PFKL: variants seen among roughly 807,000 people sequenced by gnomAD.
PFKL encodes ATP-dependent 6-phosphofructokinase, liver type.
Under a neutral mutation model 92.1 loss-of-function variants are expected in PFKL, and 74 were observed. The observed-to-expected ratio is 0.80, with a 90% CI of 0.67 to 0.97. The LOEUF (loss-of-function observed/expected upper bound fraction) is 0.97, where lower values mean the gene tolerates loss of function less well. PFKL is among the 50% of genes least tolerant of loss of function. The probability of loss-of-function intolerance (pLI) is 0.00; values close to 1 mark genes in which losing one functional copy is unlikely to be tolerated. For synonymous variants in PFKL, 494 were observed against 456.4 expected, an observed-to-expected ratio of 1.08 and a Z score of -1.05; for missense variants, 1,028 against 1,116.6, an observed-to-expected ratio of 0.92 and a Z score of 1.13.
At chr21:44,316,995 C>T (rs1568959560) in intron 9 of PFKL, among the ~76,000 whole-genome samples, 1 of 152,182 alleles carries the variant, frequency 6.6e-6, no homozygotes, top group Non-Finnish European at 1.5e-5. Context: ...GGGTGGTGCC[C>T]ATGGCGCCTG....
chr21:44,316,022 C>T (rs1027413717), intron 7 of PFKL: 6 of 575,868 alleles, frequency 1.0e-5, no homozygotes, highest in Admixed American at 3.0e-5. Context: ...CGGGCAGAGC[C>T]CTCTTGTTCA....
chr21:44,305,722 C>A, intron 1 of PFKL: 1 of 1,276,136 alleles, frequency 7.8e-7, no homozygotes, highest in Middle Eastern at 2.9e-4. Flanking sequence ...GAGATGGGGG[C>A]TCTCGGGAAG....
In PFKL at chr21:44,306,711, G is replaced by T; in HGVS notation, c.116G>T (p.Arg39Leu). ...GMNAAVRAVT[R>L]MGIYVGAKVF... is the part of the protein sequence containing the mutation. ...AACGCTGCTGTCCGGGCTGTGACGCGCATGGGCATTTATGTGGGTGCCAAA... is the reference window on the plus strand; with the variant it reads ...AACGCTGCTGTCCGGGCTGTGACGCTCATGGGCATTTATGTGGGTGCCAAA... Residue 39 changes from arginine to leucine, a missense_variant, in exon 2 of 22, where the codon CGC (arginine) becomes CTC (leucine). Arg to Leu is a moderately radical substitution (Grantham distance 102). Transcript: ENST00000349048. 2 of 1,613,822 alleles carry T rather than the reference G, an allele frequency of 1.2e-6. No homozygotes were observed. Among genetic ancestry groups the T allele is most frequent in the Non-Finnish European group, 1.7e-6 (2 of 1,179,920 alleles).
chr21:44,316,364 A>G, intron 8 of PFKL, 25 bp downstream of exon 8: 5 of 1,611,876 alleles, frequency 3.1e-6, no homozygotes, highest in Non-Finnish European at 4.2e-6. Context: ...GGGGGTGGCC[A>G]CTGGGCACCT....
intron 2 of PFKL, among the ~76,000 whole-genome samples, chr21:44,309,022 C>A (rs1461004894): frequency 6.6e-6 from 1 of 152,106 alleles, no homozygotes; most frequent in Non-Finnish European, 1.5e-5. Flanking sequence ...CTTTCTCCAG[C>A]AGCTATGGGC....
chr21:44,326,726 C>A lies in PFKL; in HGVS notation c.2207C>A (p.Pro736Gln). The A allele has an allele frequency of 6.2e-7, 1 of 1,611,964 alleles. No homozygotes were observed. The highest frequency in any genetic ancestry group is 8.5e-7 in the Non-Finnish European group (1 of 1,179,510). ...CCCGTCCTGCACAGGCACCGCATGC[C>A]ACGGGAGCAGTGGTGGCTGAGCCTG... ...KKDTDFEHRM[P>Q]REQWWLSLRL... The change falls in exon 22 of 22, where the codon CCA (proline) becomes CAA (glutamine). Residue 736 changes from proline to glutamine, a missense_variant. Physicochemically the swap from Pro to Gln is moderately conservative, Grantham distance 76. Transcript: ENST00000349048.
At chr21:44,308,809 G>A (rs926450779) in intron 2 of PFKL, among the ~76,000 whole-genome samples, 11 of 152,052 alleles carry the variant, frequency 7.2e-5, no homozygotes, top group South Asian at 4.1e-4. Context: ...TGATCCACCC[G>A]CCTCTGCTTC....
chr21:44,322,165 C>T lies in PFKL; in HGVS notation c.1371C>T (p.Gly457=). ...AAGTAGGCTGGCACGACGTGGCCGGCTGGTTGGGGCGTGGTGGCTCCATGC... is the reference window on the plus strand; with the variant it reads ...AAGTAGGCTGGCACGACGTGGCCGGTTGGTTGGGGCGTGGTGGCTCCATGC... ...VQEVGWHDVA[G]WLGRGGSMLG... Residue 457 remains glycine (G), a synonymous_variant, in exon 14 of 22, where the codon GGC becomes GGT. Transcript: ENST00000349048. 6.2e-7 allele frequency: 1 copy of T among 1,605,614 alleles called. No individual in the cohort carries two copies. Among genetic ancestry groups the T allele is most frequent in the Non-Finnish European group, 8.5e-7 (1 of 1,178,838 alleles).
chr21:44,300,067 G>C lies in PFKL; in HGVS notation c.-39G>C. Reference sequence around the variant, plus strand: ...GCGGGGACGGCGACGCGGCGCAGGCGGCGGGAGTGCGAGCTGGGCCCGTGT... The same window carrying C: ...GCGGGGACGGCGACGCGGCGCAGGCCGCGGGAGTGCGAGCTGGGCCCGTGT... On this transcript the variant is annotated 5_prime_UTR_variant, in exon 1 of 22. Coordinates refer to ENST00000349048, the MANE Select transcript of PFKL (RefSeq NM_002626.6). 1 of 990,442 alleles carries C rather than the reference G, an allele frequency of 1.0e-6. No homozygotes were observed. Among genetic ancestry groups the C allele is most frequent in the Non-Finnish European group, 1.2e-6 (1 of 821,432 alleles). The allele number at this position is 990,442 out of a possible 1,614,324, so 61.4% of individuals were successfully genotyped here.
Position 44,323,779 on chromosome 21 carries a change from TGCTGCAGCTGGTGGAG to T in PFKL, c.1515_1530del (p.Gln506AlafsTer35). ...CTACTGCTGCAGGCCTATGAAGGGGTGCTGCAGCTGGTGGAGGCTCGCGGGCGCTACGAGGAGCTCT... is the reference window on the plus strand; with the variant it reads ...CTACTGCTGCAGGCCTATGAAGGGGTGCTCGCGGGCGCTACGAGGAGCTCT... On this transcript the variant is annotated frameshift_variant, in exon 16 of 22. Transcript: ENST00000349048. LOFTEE classifies it high-confidence loss of function. 6.2e-7 allele frequency: 1 copy of T among 1,612,244 alleles called. No homozygotes were observed. The highest frequency in any genetic ancestry group is 2.2e-5 in the East Asian group (1 of 44,836).
At chr21:44,325,902 T>C (rs2047493220) in intron 19 of PFKL, 59 bp from the exon 20 acceptor site, 4 of 1,323,340 alleles carry the variant, frequency 3.0e-6, no homozygotes, top group African/African-American at 1.4e-5. Context: ...TGCACTGGCG[T>C]TGGCCTTGGC....
At position 44,312,966 on chromosome 21, in the gene PFKL, C is replaced by T. The variant is rs1236089603; in HGVS notation, c.428-12C>T. ...GAGCCTCAGCCAGGTCCTCCTGCTG[C>T]TCCTGGCCCAGGTAAGATCTCAGAG... On this transcript the variant is annotated splice_polypyrimidine_tract_variant and intron_variant, in intron 4 of 21. Coordinates refer to ENST00000349048, the MANE Select transcript of PFKL (RefSeq NM_002626.6). 3 of 1,611,876 alleles carry T rather than the reference C, an allele frequency of 1.9e-6. No homozygotes were observed. The highest frequency in any genetic ancestry group is 2.5e-6 in the Non-Finnish European group (3 of 1,179,118).
chr21:44,306,830 G>A, intron 2 of PFKL, 76 bp downstream of exon 2: 3 of 1,287,106 alleles, frequency 2.3e-6, no homozygotes, highest in Non-Finnish European at 3.4e-6. Flanking sequence ...GTTCTGTGTG[G>A]GTCACACTGG....
intron 11 of PFKL, 70 bp from the exon 12 acceptor site, chr21:44,320,014 C>G: frequency 7.0e-7 from 1 of 1,427,592 alleles, no homozygotes; most frequent in Non-Finnish European, 9.9e-7. Flanking sequence ...TGGGCTCTGT[C>G]ACGGCTGCGC....
In PFKL at chr21:44,324,625, C is replaced by T. The variant is rs143710287; in HGVS notation, c.1785C>T (p.Phe595=). Residue 595 remains phenylalanine (F), a synonymous_variant, in exon 17 of 22, where the codon TTC becomes TTT. Coordinates refer to ENST00000349048, the MANE Select transcript of PFKL (RefSeq NM_002626.6). ...IAVGADAAYV[F]EDPFNIHDLK... ...TGGGGGCCGACGCCGCCTACGTCTT[C>T]GAGGACCCTTTCAACATCCACGACT... The T allele has an allele frequency of 3.0e-5, 48 of 1,605,946 alleles. No homozygotes were observed. The East Asian group carries it at 3.4e-4, about 11-fold the overall frequency.
chr21:44,326,285 G>A lies in PFKL; in HGVS notation c.2195+21G>A, dbSNP rs375004229. 24 of 1,546,074 alleles carry A rather than the reference G, an allele frequency of 1.6e-5. No homozygotes were observed. The African/African-American group carries it at 1.6e-4, about 11-fold the overall frequency. Reference sequence around the variant, plus strand: ...TTCGAGTGAGTTCCACCAAAGCCTCGTGGAGGCGGGTGGGGCTGAGGGGTG... The same window carrying A: ...TTCGAGTGAGTTCCACCAAAGCCTCATGGAGGCGGGTGGGGCTGAGGGGTG... On this transcript the variant is annotated intron_variant, in intron 21 of 21. Transcript: ENST00000349048.
At chr21:44,318,666 C>A in intron 10 of PFKL, 71 bp downstream of exon 10, 1 of 1,339,214 alleles carries the variant, frequency 7.5e-7, no homozygotes, top group Non-Finnish European at 9.8e-7. Flanking sequence ...GGCCCCACTG[C>A]TCTCTGGGGG....
In PFKL at chr21:44,313,131, CCACTGCCCAGAGGTGAGTGAGG is replaced by C; in HGVS notation, c.583_593+11del. On this transcript the variant is annotated splice_donor_variant and splice_donor_5th_base_variant and coding_sequence_variant and intron_variant, in exon 5 of 22. Transcript: ENST00000349048. LOFTEE classifies it high-confidence loss of function. ...ATGGAGGTCATCGATGCCATCACCA[CCACTGCCCAGAGGTGAGTGAGG>C]CTGGCGCCGGCGGCCAGCCCAGGGC... 1 of 1,612,832 alleles carries C rather than the reference CCACTGCCCAGAGGTGAGTGAGG, an allele frequency of 6.2e-7. No individual in the cohort carries two copies. Among genetic ancestry groups the C allele is most frequent in the Non-Finnish European group, 8.5e-7 (1 of 1,179,886 alleles).
intron 7 of PFKL, chr21:44,315,633 C>CA (rs2047181653): frequency 6.5e-6 from 1 of 154,286 alleles, no homozygotes; most frequent in African/African-American, 2.4e-5. Flanking sequence ...TCTTTCAGTT[C>CA]CCAGAGAGCT....
Sources: gnomAD v4.1 joint callset for allele counts (sites outside exome capture counted in the v4.1 genomes callset) on GRCh38, gnomAD v4.1.1 for gene constraint, MANE v1.5 for transcripts, NCBI Gene and HGNC (gene_info 2026-07-23, HGNC 2026-07-21) for gene names.